Variants in DAB1 observed in about 807,000 individuals in gnomAD.
DAB1 encodes the protein disabled homolog 1.
Under a neutral mutation model 64.6 loss-of-function variants are expected in DAB1, and 15 were observed. That is an observed-to-expected ratio of 0.23 (90% CI 0.16 to 0.36). DAB1 has a LOEUF of 0.36. Among genes scored for constraint, DAB1 ranks in the 10% least tolerant of loss-of-function variants. The pLI is 1.00. For synonymous variants in DAB1, 235 were observed against 251.9 expected (o/e 0.93, Z 0.64); for missense variants, 596 against 706.7 (o/e 0.84, Z 1.78).
rs550699050 is a variant in DAB1 at position 58,207,364 on chromosome 1, G to A, written n.310-56776C>T. ...GTAGGAAAACATCTATGCATGGTTGGGAAAAGAGAAAGTTCCCTAGGTGAT... is the reference window on the plus strand; with the variant it reads ...GTAGGAAAACATCTATGCATGGTTGAGAAAAGAGAAAGTTCCCTAGGTGAT... On this transcript the variant is annotated intron_variant and non_coding_transcript_variant, in intron 4 of 20. Coordinates refer to the DAB1 transcript ENST00000485760. Among the ~76,000 whole-genome samples, 7 of 152,302 alleles carry A rather than the reference G, an allele frequency of 4.6e-5. No homozygotes were observed. In the East Asian group the frequency reaches 1.4e-3, roughly 29 times the overall value.
chr1:57,804,270 T>C (rs1335808348), intron 6 of DAB1, among the ~76,000 whole-genome samples: 1 of 152,226 alleles, frequency 6.6e-6, no homozygotes, highest in Admixed American at 6.5e-5. Flanking sequence ...GATCACAACA[T>C]ATTAAAATTG....
chr1:58,250,641 G>C (rs1038135204), intron 4 of DAB1, among the ~76,000 whole-genome samples: 13 of 152,212 alleles, frequency 8.5e-5, no homozygotes, highest in African/African-American at 3.1e-4. Context: ...GACCGACCTG[G>C]CCTGAATGTG....
At chr1:57,741,756 C>T (rs1648006797) in intron 6 of DAB1, among the ~76,000 whole-genome samples, 1 of 152,162 alleles carries the variant, frequency 6.6e-6, no homozygotes, top group Non-Finnish European at 1.5e-5. Context: ...GTGAGAAATA[C>T]TGTAGTGATG....
intron 5 of DAB1, among the ~76,000 whole-genome samples, chr1:57,968,544 T>C (rs543243514): frequency 2.0e-5 from 3 of 152,280 alleles, no homozygotes; most frequent in South Asian, 2.1e-4. Flanking sequence ...GTTTCGAGGA[T>C]AGGAAGCAGA....
intron 4 of DAB1, among the ~76,000 whole-genome samples, chr1:58,318,064 T>C (rs552254106): frequency 3.9e-5 from 6 of 152,140 alleles, no homozygotes; most frequent in South Asian, 2.1e-4. Context: ...GCTGAGCACA[T>C]AGGAAAAAAG....
At chr1:57,262,239 T>C (rs1358085345) in intron 2 of DAB1, among the ~76,000 whole-genome samples, 1 of 152,250 alleles carries the variant, frequency 6.6e-6, no homozygotes, top group Non-Finnish European at 1.5e-5. Flanking sequence ...ATTAAATGAC[T>C]TCCCCAAGGT....
chr1:57,017,239 G>A lies in DAB1; in HGVS notation c.896-1808C>T, dbSNP rs116512493. ...ACAAGTTCTCAGGCTGGGCAGAGCA[G>A]AGAACAGAGAAGCTAGCTTTGCCTG... On this transcript the variant is annotated intron_variant, in intron 11 of 14. Transcript: ENST00000371236. 5.4e-3 allele frequency among the ~76,000 whole-genome samples: 821 copies of A among 152,240 alleles called. 4 individuals are homozygous for A. The highest frequency in any genetic ancestry group is 0.015 in the African/African-American group (614 of 41,538).
At chr1:57,828,122 T>C (rs1652436880) in intron 1 of DAB1, among the ~76,000 whole-genome samples, 1 of 152,070 alleles carries the variant, frequency 6.6e-6, no homozygotes, top group Non-Finnish European at 1.5e-5. Flanking sequence ...ATGTTTTGTA[T>C]TTTTAGTAGA....
At position 58,334,667 on chromosome 1, in the gene DAB1, A is replaced by G. The variant is rs563478027; in HGVS notation, n.309+8685T>C. On this transcript the variant is annotated intron_variant and non_coding_transcript_variant, in intron 4 of 20. Coordinates refer to the DAB1 transcript ENST00000485760. Reference sequence around the variant, plus strand: ...ATATCATATCATATTATATTATATTATATTGTATTATATAGACTTTGATAA... The same window carrying G: ...ATATCATATCATATTATATTATATTGTATTGTATTATATAGACTTTGATAA... 5.1e-4 allele frequency among the ~76,000 whole-genome samples: 75 copies of G among 148,382 alleles called. No homozygotes were observed. In the South Asian group the frequency reaches 0.014, roughly 27 times the overall value.
At chr1:58,112,541 C>A (rs1652034443) in intron 5 of DAB1, among the ~76,000 whole-genome samples, 1 of 152,070 alleles carries the variant, frequency 6.6e-6, no homozygotes, top group Non-Finnish European at 1.5e-5. Context: ...ATGATAGGCA[C>A]CTCAAAGATG....
In DAB1 at chr1:56,996,960, T is replaced by A. The variant is rs1645649018; in HGVS notation, c.*1184A>T. 6.6e-6 allele frequency: 1 copy of A among 152,224 alleles called. No homozygotes were observed. The highest frequency in any genetic ancestry group is 6.5e-5 in the Admixed American group (1 of 15,286). 9.4% of individuals were successfully genotyped at this position (152,224 alleles called of 1,614,324 possible). A position where few individuals can be genotyped will look rare whatever the true frequency, so the allele number is the denominator to read the frequency against. ...ATTTAAAGAGTTTAATGGTAAGGTTTTTTTTTCAAGTTATAAAATAAAAAT... is the reference window on the plus strand; with the variant it reads ...ATTTAAAGAGTTTAATGGTAAGGTTATTTTTTCAAGTTATAAAATAAAAAT... On this transcript the variant is annotated 3_prime_UTR_variant, in exon 15 of 15. Coordinates refer to ENST00000371236, the MANE Select transcript of DAB1 (RefSeq NM_001365792.1).
At chr1:57,280,151 C>CTCAGAATGAGAGCCATGCT (rs1453679242) in intron 2 of DAB1, among the ~76,000 whole-genome samples, 3 of 152,158 alleles carry the variant, frequency 2.0e-5, no homozygotes, top group Non-Finnish European at 2.9e-5. Flanking sequence ...GCCTCAGTTG[C>CTCAGAATGAGAGCCATGCT]CTCTTACACA....
intron 14 of DAB1, among the ~76,000 whole-genome samples, chr1:57,007,819 T>C (rs540470698): frequency 6.6e-6 from 1 of 152,340 alleles, no homozygotes; most frequent in African/African-American, 2.4e-5. Flanking sequence ...TTTCCCTGCA[T>C]GGTCTCTCTT....
chr1:57,078,597 T>C (rs1293119093), intron 4 of DAB1, among the ~76,000 whole-genome samples: 2 of 152,172 alleles, frequency 1.3e-5, no homozygotes, highest in African/African-American at 4.8e-5. Flanking sequence ...ACATGTAACA[T>C]AAGTATGATA....
chr1:57,009,535 CTGAGGTAGCCTCAGAATCCATTTA>C (rs1192177659), intron 14 of DAB1, among the ~76,000 whole-genome samples: 3 of 152,158 alleles, frequency 2.0e-5, no homozygotes, highest in Admixed American at 6.5e-5. Flanking sequence ...AAGACTAATT[CTGAGGTAGCCTCAGAATCCATTTA>C]TGAGGTAGCC....
At chr1:58,002,662 A>C (rs1293486869) in intron 5 of DAB1, among the ~76,000 whole-genome samples, 1 of 152,100 alleles carries the variant, frequency 6.6e-6, no homozygotes, top group African/African-American at 2.4e-5. Flanking sequence ...CAGTTAACAC[A>C]AGGTGTATAT....
intron 4 of DAB1, among the ~76,000 whole-genome samples, chr1:58,335,202 A>T (rs1254929925): frequency 6.6e-6 from 1 of 152,214 alleles, no homozygotes; most frequent in Non-Finnish European, 1.5e-5. Flanking sequence ...TCCCAGGTAG[A>T]AGGACTAGCA....
At chr1:58,371,095 G>C (rs1376689826) in intron 3 of DAB1, among the ~76,000 whole-genome samples, 4 of 152,328 alleles carry the variant, frequency 2.6e-5, no homozygotes, top group African/African-American at 9.6e-5. Context: ...AAGAAGAGAG[G>C]AAGATGAGGG....
chr1:58,094,976 G>A (rs545606452), intron 5 of DAB1, among the ~76,000 whole-genome samples: 3 of 152,312 alleles, frequency 2.0e-5, no homozygotes, highest in Admixed American at 2.0e-4. Flanking sequence ...AAGGGACTTA[G>A]AGAAGCATTT....
Sources: gnomAD v4.1 joint callset for allele counts (sites outside exome capture counted in the v4.1 genomes callset) on GRCh38, gnomAD v4.1.1 for gene constraint, MANE v1.5 for transcripts, NCBI Gene and HGNC (gene_info 2026-07-23, HGNC 2026-07-21) for gene names.